The following FILIP1L variants were observed in gnomAD, a reference collection of about 807,000 sequenced individuals.
FILIP1L encodes filamin A interacting protein 1 like.
In FILIP1L, 55 loss-of-function variants were observed where a neutral mutation model predicts 96.6. The observed-to-expected ratio is 0.57, with a 90% confidence interval of 0.46 to 0.71. The LOEUF is 0.71. FILIP1L is among the 30% of genes least tolerant of loss of function. The probability of loss-of-function intolerance (pLI) is 0.00; values close to 1 mark genes in which losing one functional copy is unlikely to be tolerated. For synonymous variants in FILIP1L, 467 were observed against 473.9 expected (o/e 0.99, Z 0.19); for missense variants, 1,304 against 1,321.2 (o/e 0.99, Z 0.20).
chr3:99,893,863 GT>G (rs1706168272), intron 4 of FILIP1L, among the ~76,000 whole-genome samples: 1 of 152,108 alleles, frequency 6.6e-6, no homozygotes, highest in Non-Finnish European at 1.5e-5. Context: ...AACCCAAGAC[GT>G]TTTGAAGGTA....
rs570916530 is a variant in FILIP1L at position 100,089,828 on chromosome 3, T to C, written c.-11+24225A>G. On this transcript the variant is annotated intron_variant, in intron 1 of 5. Transcript: ENST00000477258. ...AATGTCATATTAGGAACAACTGGAT[T>C]CTAGTCTCCATTTTTGCCACCTACT... Among the ~76,000 whole-genome samples the C allele has an allele frequency of 1.8e-3, 267 of 152,308 alleles. 1 individual carries two copies. Among genetic ancestry groups the C allele is most frequent in the African/African-American group, 6.2e-3 (257 of 41,566 alleles).
intron 4 of FILIP1L, among the ~76,000 whole-genome samples, chr3:99,882,262 G>A (rs1187659639): frequency 2.0e-5 from 3 of 152,022 alleles, no homozygotes; most frequent in Non-Finnish European, 2.9e-5. Context: ...ATTCTGCTTT[G>A]TCCATTATTT....
intron 2 of FILIP1L, 109 bp from the exon 3 acceptor site, chr3:99,930,138 G>T: frequency 2.3e-6 from 2 of 864,762 alleles, no homozygotes; most frequent in South Asian, 1.8e-5. Context: ...AAATCTAAAT[G>T]AATCATATTT....
At chr3:100,069,124 C>A (rs2065718227) in intron 1 of FILIP1L, among the ~76,000 whole-genome samples, 1 of 152,170 alleles carries the variant, frequency 6.6e-6, no homozygotes, top group African/African-American at 2.4e-5. Context: ...CATTTAGTTT[C>A]ATGTCTTCTG....
At chr3:100,101,882 G>A (rs1023639858) in intron 1 of FILIP1L, among the ~76,000 whole-genome samples, 1 of 151,884 alleles carries the variant, frequency 6.6e-6, no homozygotes, top group Non-Finnish European at 1.5e-5. Flanking sequence ...TTGGTTTTTT[G>A]TCCTTGCGAT....
chr3:99,915,263 C>T (rs1359576042), intron 4 of FILIP1L, among the ~76,000 whole-genome samples: 2 of 152,102 alleles, frequency 1.3e-5, no homozygotes, highest in Admixed American at 1.3e-4. Context: ...TAAAATGTAG[C>T]CAACTTTTCC....
intron 1 of FILIP1L, among the ~76,000 whole-genome samples, chr3:100,050,119 A>T (rs2065345027): frequency 1.3e-5 from 2 of 152,216 alleles, no homozygotes; most frequent in South Asian, 4.1e-4. Flanking sequence ...TATTAAGGGC[A>T]TCATGGGGTA....
rs192840357 is a variant in FILIP1L at position 99,936,245 on chromosome 3, A to G, written c.-10-5215T>C. On this transcript the variant is annotated intron_variant, in intron 1 of 5. Transcript: ENST00000477258. The stretch of plus-strand genomic sequence containing the variant: ...AAGCAAAACTACTCCAATTTAGAGA[A>G]AGAAAATAATAGTAATAATGGTAGC... 1.5e-3 allele frequency among the ~76,000 whole-genome samples: 226 copies of G among 152,134 alleles called. 2 individuals are homozygous for G. Among genetic ancestry groups the G allele is most frequent in the Middle Eastern group, 6.8e-3 (2 of 294 alleles).
intron 4 of FILIP1L, among the ~76,000 whole-genome samples, chr3:99,916,010 G>A (rs34571898): frequency 0.053 from 8,144 of 152,296 alleles, 320 homozygotes; most frequent in Middle Eastern, 0.085. Flanking sequence ...AGAAAGATAC[G>A]TGTAATGGTT....
rs895861748 is a variant in FILIP1L at position 99,978,807 on chromosome 3, C to T, written c.-10-47777G>A. 6.6e-5 allele frequency among the ~76,000 whole-genome samples: 10 copies of T among 152,176 alleles called. No individual in the cohort carries two copies. In the East Asian group the frequency reaches 1.4e-3, roughly 21 times the overall value. On this transcript the variant is annotated intron_variant, in intron 1 of 5. Transcript: ENST00000477258. ...GGCTGAGGCACGAGAGTCACTTGAACCCAGGAGGCGGAGGCTGCAGTGAGC... is the reference window on the plus strand; with the variant it reads ...GGCTGAGGCACGAGAGTCACTTGAATCCAGGAGGCGGAGGCTGCAGTGAGC...
intron 4 of FILIP1L, among the ~76,000 whole-genome samples, chr3:99,916,007 T>C (rs2107644652): frequency 6.6e-6 from 1 of 152,334 alleles, no homozygotes; most frequent in South Asian, 2.1e-4. Context: ...TGAAGAAAGA[T>C]ACGTGTAATG....
chr3:99,955,314 G>A (rs1174527834), intron 1 of FILIP1L, among the ~76,000 whole-genome samples: 1 of 152,204 alleles, frequency 6.6e-6, no homozygotes, highest in African/African-American at 2.4e-5. Flanking sequence ...AAATGACAAG[G>A]AGTATAAACA....
chr3:99,983,389 A>AT (rs1559713312), intron 1 of FILIP1L, among the ~76,000 whole-genome samples: 924 of 40,792 alleles, frequency 0.023, 47 homozygotes, highest in African/African-American at 0.056. Flanking sequence ...TAAATAAATA[A>AT]ATATATATAT....
At chr3:99,958,792 C>T (rs1422399978) in intron 1 of FILIP1L, among the ~76,000 whole-genome samples, 1 of 152,118 alleles carries the variant, frequency 6.6e-6, no homozygotes, top group Non-Finnish European at 1.5e-5. Flanking sequence ...TGTAGTGGAA[C>T]AGGCAGAGAA....
chr3:100,054,221 C>T (rs1194475971), intron 1 of FILIP1L, among the ~76,000 whole-genome samples: 4 of 152,212 alleles, frequency 2.6e-5, no homozygotes, highest in Non-Finnish European at 4.4e-5. Flanking sequence ...CTAACCGAGA[C>T]ATCACATTCC....
chr3:99,843,572 GAGTTGAAAATATTAAA>G (rs1215952022), intron 5 of FILIP1L, among the ~76,000 whole-genome samples: 1 of 152,050 alleles, frequency 6.6e-6, no homozygotes, highest in African/African-American at 2.4e-5. Flanking sequence ...AACCCACTGT[GAGTTGAAAATATTAAA>G]AGTTGAAAAT....
chr3:99,909,321 G>A (rs944740579), intron 4 of FILIP1L, among the ~76,000 whole-genome samples: 60 of 152,128 alleles, frequency 3.9e-4, no homozygotes, highest in African/African-American at 1.3e-3. Flanking sequence ...ATTGAATTTT[G>A]ATTGTGTGTA....
At chr3:99,880,545 A>G (rs1433486199) in intron 4 of FILIP1L, among the ~76,000 whole-genome samples, 1 of 152,202 alleles carries the variant, frequency 6.6e-6, no homozygotes, top group Non-Finnish European at 1.5e-5. Flanking sequence ...GAACAGTGAC[A>G]TATGTACCTT....
chr3:99,871,579 T>C (rs1398887944), intron 4 of FILIP1L, among the ~76,000 whole-genome samples: 5 of 152,182 alleles, frequency 3.3e-5, no homozygotes, highest in Non-Finnish European at 1.5e-5. Context: ...ACCAGGAGCT[T>C]GTAGCCTTCA....
Sources: allele counts gnomAD v4.1 joint callset (sites outside exome capture counted in the v4.1 genomes callset), GRCh38; gene constraint gnomAD v4.1.1; transcripts MANE v1.5; gene names NCBI Gene and HGNC (gene_info 2026-07-23, HGNC 2026-07-21).